Variants in ARMC9 observed in about 807,000 individuals in gnomAD.
ARMC9 encodes the protein lisH domain-containing protein ARMC9.
ARMC9 carries 94 observed loss-of-function variants against 107.0 expected under a neutral mutation model. The ratio of observed to expected loss-of-function variants is 0.88; its 90% CI spans 0.74 to 1.04. The LOEUF is 1.04. ARMC9 is among the 50% of genes least tolerant of loss of function. ARMC9 has a pLI of 0.00. For synonymous variants in ARMC9, 380 were observed against 396.9 expected (o/e 0.96, Z 0.51); for missense variants, 942 against 1,030.1 (o/e 0.91, Z 1.17).
intron 21 of ARMC9, among the ~76,000 whole-genome samples, chr2:231,352,849 C>T (rs550542742): frequency 2.3e-5 from 3 of 131,190 alleles, no homozygotes; most frequent in East Asian, 1.9e-4. Context: ...ATTCCCAGGC[C>T]GGGCGCGGGG....
In ARMC9 at chr2:231,215,051, A is replaced by G. The variant is rs974986376; in HGVS notation, c.348+50A>G. ...GGGTCTGAGTGGTGTGTTAAGGAAC[A>G]GTGTTTGCTGTCATTGTCCACATGG... is the stretch of plus-strand genomic sequence containing the variant. On this transcript the variant is annotated intron_variant, in intron 4 of 24. Coordinates refer to ENST00000611582, the MANE Select transcript of ARMC9 (RefSeq NM_001352754.2). The G allele has an allele frequency of 2.5e-6, 4 of 1,580,890 alleles. No individual in the cohort carries two copies. In the African/African-American group the frequency reaches 4.0e-5, roughly 16 times the overall value.
chr2:231,327,741 G>A (rs546495790), intron 19 of ARMC9, among the ~76,000 whole-genome samples: 2 of 152,262 alleles, frequency 1.3e-5, no homozygotes, highest in South Asian at 4.1e-4. Flanking sequence ...ACCTCTTTAA[G>A]AAATTGCCGA....
At chr2:231,265,245 A>C (rs1187938125) in intron 12 of ARMC9, among the ~76,000 whole-genome samples, 1 of 152,222 alleles carries the variant, frequency 6.6e-6, no homozygotes, top group Non-Finnish European at 1.5e-5. Flanking sequence ...CAACAGTCCC[A>C]CTAGTGGCCA....
chr2:231,251,145 CT>C (rs2037259441), intron 9 of ARMC9, among the ~76,000 whole-genome samples: 1 of 151,906 alleles, frequency 6.6e-6, no homozygotes, highest in African/African-American at 2.4e-5. Flanking sequence ...GAAGAGGCCA[CT>C]TTTTTCTTTT....
At chr2:231,276,427 G>A (rs1471624815) in intron 14 of ARMC9, among the ~76,000 whole-genome samples, 3 of 151,966 alleles carry the variant, frequency 2.0e-5, no homozygotes, top group Non-Finnish European at 4.4e-5. Flanking sequence ...CCGTCACCAC[G>A]CCTGGCTAAT....
chr2:231,223,727 A>C (rs2034370887), intron 6 of ARMC9, among the ~76,000 whole-genome samples: 1 of 152,118 alleles, frequency 6.6e-6, no homozygotes, highest in South Asian at 2.1e-4. Flanking sequence ...TGAGCTTCCT[A>C]AGCCTTCCCT....
chr2:231,258,467 C>T (rs547921962), intron 10 of ARMC9, among the ~76,000 whole-genome samples: 2 of 152,170 alleles, frequency 1.3e-5, no homozygotes, highest in African/African-American at 4.8e-5. Context: ...AGGCCTGAGC[C>T]ACCACGCCCG....
At position 231,369,948 on chromosome 2, in the gene ARMC9, T is replaced by C. The variant is rs1340188655; in HGVS notation, c.2262-5T>C. The C allele has an allele frequency of 6.7e-7, 1 of 1,497,346 alleles. No homozygotes were observed. Among genetic ancestry groups the C allele is most frequent in the South Asian group, 1.3e-5 (1 of 79,886 alleles). 92.8% of individuals were successfully genotyped at this position (1,497,346 alleles called of 1,614,324 possible). Reference sequence around the variant, plus strand: ...TGGGACTCCAGGTTGCACGTTTTGTTCTAGGGAATGTGCATCAGCCTTCAC... The same window carrying C: ...TGGGACTCCAGGTTGCACGTTTTGTCCTAGGGAATGTGCATCAGCCTTCAC... On this transcript the variant is annotated splice_region_variant and splice_polypyrimidine_tract_variant and intron_variant, in intron 23 of 24. Coordinates refer to ENST00000611582, the MANE Select transcript of ARMC9 (RefSeq NM_001352754.2).
chr2:231,247,179 T>C (rs1236443649), intron 9 of ARMC9, among the ~76,000 whole-genome samples: 2 of 152,174 alleles, frequency 1.3e-5, no homozygotes, highest in Admixed American at 1.3e-4. Context: ...ATGGTCTCGA[T>C]CTCTTGACCT....
intron 20 of ARMC9, among the ~76,000 whole-genome samples, chr2:231,337,057 C>A (rs1039270816): frequency 1.3e-5 from 2 of 152,140 alleles, no homozygotes; most frequent in Non-Finnish European, 2.9e-5. Context: ...CCCCTCTCTG[C>A]TCACAACAAA....
In ARMC9 at chr2:231,376,433, G is replaced by A. The variant is rs1384533788; in HGVS notation, c.*4898G>A. Reference sequence around the variant, plus strand: ...TCTGAACTGGCCCCCCTCCCCCGGGGGCGTGGTCGTCTCTTATGGTCGAGG... The same window carrying A: ...TCTGAACTGGCCCCCCTCCCCCGGGAGCGTGGTCGTCTCTTATGGTCGAGG... On this transcript the variant is annotated 3_prime_UTR_variant, in exon 25 of 25. Coordinates refer to ENST00000611582, the MANE Select transcript of ARMC9 (RefSeq NM_001352754.2). Among the ~76,000 whole-genome samples the A allele has an allele frequency of 1.3e-5, 2 of 152,046 alleles. No homozygotes were observed. Among genetic ancestry groups the A allele is most frequent in the African/African-American group, 4.8e-5 (2 of 41,376 alleles).
rs144523593 is a variant in ARMC9, at chr2:231,204,703, C to T, written c.-41-1495C>T. Among the ~76,000 whole-genome samples, 493 of 151,976 alleles carry T rather than the reference C, an allele frequency of 3.2e-3. 6 individuals are homozygous for T. The Middle Eastern group carries it at 0.034, about 10-fold the overall frequency. On this transcript the variant is annotated intron_variant, in intron 1 of 24. Transcript: ENST00000611582. ...GGGCCGACCTCTTAGAAAGGGTGGT[C>T]AGGGCAAGACTCTCTGAGGAGGTGA...
intron 12 of ARMC9, among the ~76,000 whole-genome samples, chr2:231,264,523 G>T (rs986829694): frequency 6.7e-6 from 1 of 149,140 alleles, no homozygotes; most frequent in African/African-American, 2.5e-5. Context: ...TTGAGATGGG[G>T]TTTCACTCTA....
chr2:231,260,791 C>T (rs1307476535), intron 11 of ARMC9, among the ~76,000 whole-genome samples: 2 of 152,188 alleles, frequency 1.3e-5, no homozygotes, highest in Non-Finnish European at 2.9e-5. Context: ...CCGTGCTACT[C>T]CTGAGCCTCT....
intron 5 of ARMC9, among the ~76,000 whole-genome samples, chr2:231,217,062 C>G (rs1040731201): frequency 6.6e-6 from 1 of 152,068 alleles, no homozygotes; most frequent in Admixed American, 6.6e-5. Context: ...TTTGTAATAG[C>G]AAAAACTAGG....
At chr2:231,299,514 C>T (rs2125489938) in intron 19 of ARMC9, among the ~76,000 whole-genome samples, 1 of 152,236 alleles carries the variant, frequency 6.6e-6, no homozygotes, top group Non-Finnish European at 1.5e-5. Context: ...AGTTGCTGTG[C>T]ATTTTTGTGG....
chr2:231,291,375 G>A lies in ARMC9; in HGVS notation c.1649G>A (p.Cys550Tyr), dbSNP rs2040978244. The change falls in exon 18 of 25, where the codon TGC becomes TAC. Residue 550 changes from cysteine to tyrosine, a missense_variant. By Grantham distance (194) the Cys-to-Tyr change is radical. Coordinates refer to ENST00000611582, the MANE Select transcript of ARMC9 (RefSeq NM_001352754.2). Reference protein sequence around the residue: ...RAMGMEDILRCFIKEGNAEMI... With the variant: ...RAMGMEDILRYFIKEGNAEMI... ...TAGGGAATGGAAGACATCCTACGCTGCTTCATCAAAGAAGGCAATGCTGAA... is the reference window on the plus strand; with the variant it reads ...TAGGGAATGGAAGACATCCTACGCTACTTCATCAAAGAAGGCAATGCTGAA... The A allele has an allele frequency of 6.2e-7, 1 of 1,613,608 alleles. No homozygotes were observed. Among genetic ancestry groups the A allele is most frequent in the Non-Finnish European group, 8.5e-7 (1 of 1,179,714 alleles).
At chr2:231,296,504 T>C (rs1187892526) in intron 19 of ARMC9, among the ~76,000 whole-genome samples, 2 of 152,242 alleles carry the variant, frequency 1.3e-5, no homozygotes, top group Non-Finnish European at 2.9e-5. Flanking sequence ...CAGCATTGCA[T>C]GTCATTCGAG....
At position 231,209,422 on chromosome 2, in the gene ARMC9, T is replaced by C. The variant is rs186578390; in HGVS notation, c.177+1170T>C. Reference sequence around the variant, plus strand: ...TCATTATTTTAACCATTATTTGATGTCTAAATCTCATTTGTAATATGCCAG... The same window carrying C: ...TCATTATTTTAACCATTATTTGATGCCTAAATCTCATTTGTAATATGCCAG... On this transcript the variant is annotated intron_variant, in intron 3 of 24. Transcript: ENST00000611582. Among the ~76,000 whole-genome samples, 46 of 152,294 alleles carry C rather than the reference T, an allele frequency of 3.0e-4. 1 individual carries two copies. In the East Asian group the frequency reaches 4.4e-3, roughly 15 times the overall value.
Sources: allele counts gnomAD v4.1 joint callset (sites outside exome capture counted in the v4.1 genomes callset), GRCh38; gene constraint gnomAD v4.1.1; transcripts MANE v1.5; gene names NCBI Gene and HGNC (gene_info 2026-07-23, HGNC 2026-07-21).